C2CD5: variants seen among roughly 807,000 people sequenced by gnomAD.
The protein encoded by C2CD5 is C2 domain-containing protein 5.
In C2CD5, 109 loss-of-function variants were observed where a neutral mutation model predicts 130.3. The ratio of observed to expected loss-of-function variants is 0.84; its 90% CI spans 0.72 to 0.98. The LOEUF (loss-of-function observed/expected upper bound fraction) is 0.98, where lower values mean the gene tolerates loss of function less well. Among genes scored for constraint, C2CD5 ranks in the 50% least tolerant of loss-of-function variants. The probability of loss-of-function intolerance (pLI) is 0.00; values close to 1 mark genes in which losing one functional copy is unlikely to be tolerated. For synonymous variants in C2CD5, 454 were observed against 429.2 expected (o/e 1.06, Z -0.71); for missense variants, 996 against 1,261.8 (o/e 0.79, Z 3.19).
At chr12:22,509,212 A>G (rs937923874) in intron 9 of C2CD5, among the ~76,000 whole-genome samples, 10 of 152,238 alleles carry the variant, frequency 6.6e-5, no homozygotes, top group Non-Finnish European at 1.3e-4. Context: ...AGAGATACTG[A>G]AAATAACATT....
intron 7 of C2CD5, among the ~76,000 whole-genome samples, chr12:22,518,372 T>A (rs1408084345): frequency 6.6e-6 from 1 of 151,782 alleles, no homozygotes; most frequent in Non-Finnish European, 1.5e-5. Context: ...CAAAAAAGCA[T>A]GAAATGACAG....
At chr12:22,531,259 G>A (rs1260299737) in intron 3 of C2CD5, among the ~76,000 whole-genome samples, 1 of 152,094 alleles carries the variant, frequency 6.6e-6, no homozygotes, top group African/African-American at 2.4e-5. Context: ...CATTTTAGAA[G>A]CAGCTAAAAG....
chr12:22,477,458 C>A (rs1020201472), intron 15 of C2CD5: 2 of 151,956 alleles, frequency 1.3e-5, no homozygotes, highest in Non-Finnish European at 2.9e-5. Flanking sequence ...GAAGACCAGC[C>A]AAAATTAGAT....
chr12:22,469,640 A>G (rs927692893), intron 22 of C2CD5, 69 bp downstream of exon 22: 4 of 849,730 alleles, frequency 4.7e-6, no homozygotes, highest in South Asian at 2.0e-5. Flanking sequence ...AAGATTTCCT[A>G]TAATGAAGAA....
intron 9 of C2CD5, among the ~76,000 whole-genome samples, chr12:22,508,012 G>A (rs532797376): frequency 6.6e-6 from 1 of 152,234 alleles, no homozygotes; most frequent in East Asian, 1.9e-4. Flanking sequence ...CTGGTAAAGA[G>A]ATACAGAATA....
At chr12:22,540,773 C>T (rs1371809360) in intron 2 of C2CD5, among the ~76,000 whole-genome samples, 6 of 152,150 alleles carry the variant, frequency 3.9e-5, no homozygotes, top group African/African-American at 9.7e-5. Context: ...GCAGGACAAT[C>T]GCTTGAACCC....
At chr12:22,474,923 G>A (rs1326401818) in intron 15 of C2CD5, 32 bp from the exon 16 acceptor site, 1 of 1,463,424 alleles carries the variant, frequency 6.8e-7, no homozygotes, top group Admixed American at 2.1e-5. Flanking sequence ...TATATCATAT[G>A]AGATTGTCTT....
At chr12:22,541,944 C>T (rs1359937917) in intron 2 of C2CD5, among the ~76,000 whole-genome samples, 1 of 152,196 alleles carries the variant, frequency 6.6e-6, no homozygotes, top group Admixed American at 6.5e-5. Flanking sequence ...ACGGCAGACA[C>T]TCAATTTGTT....
intron 26 of C2CD5, 72 bp downstream of exon 26, chr12:22,453,824 G>T: frequency 7.3e-7 from 1 of 1,371,948 alleles, no homozygotes; most frequent in Non-Finnish European, 1.0e-6. Context: ...CTTTTGGAGG[G>T]GGTTAGGGGT....
At chr12:22,499,673 C>T (rs1947501729) in intron 10 of C2CD5, among the ~76,000 whole-genome samples, 1 of 152,112 alleles carries the variant, frequency 6.6e-6, no homozygotes. Context: ...TGATCTAATG[C>T]AAATGTGCCC....
At chr12:22,487,267 C>A (rs1437799344) in intron 12 of C2CD5, among the ~76,000 whole-genome samples, 3 of 151,892 alleles carry the variant, frequency 2.0e-5, no homozygotes, top group Non-Finnish European at 4.4e-5. Context: ...AGTGAACAGG[C>A]AACCTACAGA....
In C2CD5 at chr12:22,448,706, A is replaced by T. The variant is rs150506868; in HGVS notation, c.*1054T>A. On this transcript the variant is annotated 3_prime_UTR_variant, in exon 27 of 27. Coordinates refer to ENST00000446597, the MANE Select transcript of C2CD5 (RefSeq NM_001286176.2). ...GTTTGTTGTCCTGGGGGAAAAAATC[A>T]TAAGTGTTATAAAGAAATATTATTG... 6.6e-6 allele frequency: 1 copy of T among 152,608 alleles called. No homozygotes were observed. The allele number at this position is 152,608 out of a possible 1,614,324, so 9.5% of individuals were successfully genotyped here. A position where few individuals can be genotyped will look rare whatever the true frequency, so the allele number is the denominator to read the frequency against.
intron 24 of C2CD5, among the ~76,000 whole-genome samples, chr12:22,457,605 G>T (rs1940191887): frequency 1.3e-5 from 2 of 152,026 alleles, no homozygotes; most frequent in South Asian, 2.1e-4. Flanking sequence ...TTATCTAGTT[G>T]TAAGATACTG....
At chr12:22,492,209 GA>G (rs1170981966) in intron 11 of C2CD5, among the ~76,000 whole-genome samples, 1 of 152,036 alleles carries the variant, frequency 6.6e-6, no homozygotes, top group Non-Finnish European at 1.5e-5. Flanking sequence ...ATAGATGGTA[GA>G]AAAATAAGAT....
chr12:22,532,671 A>G (rs1342297451), intron 3 of C2CD5, among the ~76,000 whole-genome samples: 1 of 152,240 alleles, frequency 6.6e-6, no homozygotes, highest in Non-Finnish European at 1.5e-5. Context: ...TAAAAATCGT[A>G]GTGTCATTTC....
chr12:22,500,644 C>A (rs988879873), intron 10 of C2CD5, among the ~76,000 whole-genome samples: 2 of 152,110 alleles, frequency 1.3e-5, no homozygotes, highest in Admixed American at 6.5e-5. Context: ...ATCTTTCCAC[C>A]CTAGACCTAG....
At chr12:22,537,762 T>C (rs557487699) in intron 2 of C2CD5, among the ~76,000 whole-genome samples, 23 of 152,322 alleles carry the variant, frequency 1.5e-4, no homozygotes, top group African/African-American at 3.1e-4. Context: ...TGTCTGCACA[T>C]AGGAAATATT....
chr12:22,459,779 CAA>C (rs1490244830), intron 22 of C2CD5, among the ~76,000 whole-genome samples: 2 of 152,010 alleles, frequency 1.3e-5, no homozygotes, highest in African/African-American at 4.8e-5. Flanking sequence ...TACTGTAACA[CAA>C]AAAGAGTTTC....
intron 22 of C2CD5, among the ~76,000 whole-genome samples, chr12:22,462,503 C>T (rs1283660552): frequency 6.6e-6 from 1 of 152,060 alleles, no homozygotes; most frequent in Non-Finnish European, 1.5e-5. Context: ...TTTATAATTC[C>T]CCTAGTGCAC....
Sources: allele counts gnomAD v4.1 joint callset (sites outside exome capture counted in the v4.1 genomes callset), GRCh38; gene constraint gnomAD v4.1.1; transcripts MANE v1.5; gene names NCBI Gene and HGNC (gene_info 2026-07-23, HGNC 2026-07-21).